The following HPSE2 variants were observed in gnomAD, a reference collection of about 807,000 sequenced individuals.
HPSE2 encodes inactive heparanase-2.
Under a neutral mutation model 60.5 loss-of-function variants are expected in HPSE2, and 38 were observed. The ratio of observed to expected loss-of-function variants is 0.63; its 90% CI spans 0.48 to 0.82. HPSE2 has a LOEUF of 0.82. HPSE2 is among the 40% of genes least tolerant of loss of function. HPSE2 has a pLI of 0.00. For synonymous variants in HPSE2, 295 were observed against 293.2 expected, an observed-to-expected ratio of 1.01 and a Z score of -0.06; for missense variants, 713 against 740.4, an observed-to-expected ratio of 0.96 and a Z score of 0.43.
chr10:98,746,458 A>G lies in HPSE2; in HGVS notation c.611-2402T>C, dbSNP rs141616732. On this transcript the variant is annotated intron_variant, in intron 3 of 11. Transcript: ENST00000370552. Reference sequence around the variant, plus strand: ...TACATTTTATATTCAAAATAATATTAAAGTAAATTCATAACCTTTATTTAA... The same window carrying G: ...TACATTTTATATTCAAAATAATATTGAAGTAAATTCATAACCTTTATTTAA... Among the ~76,000 whole-genome samples the G allele has an allele frequency of 2.6e-3, 389 of 152,156 alleles. 2 individuals carry two copies. The highest frequency in any genetic ancestry group is 0.021 in the Middle Eastern group (6 of 288).
chr10:98,495,884 GATTT>G (rs999888603), intron 9 of HPSE2, among the ~76,000 whole-genome samples: 2 of 151,958 alleles, frequency 1.3e-5, no homozygotes, highest in African/African-American at 4.8e-5. Context: ...GGTTTCTATG[GATTT>G]ATTTATTTTT....
At chr10:98,839,755 C>T (rs1253397579) in intron 3 of HPSE2, among the ~76,000 whole-genome samples, 1 of 152,116 alleles carries the variant, frequency 6.6e-6, no homozygotes, top group Non-Finnish European at 1.5e-5. Flanking sequence ...GCTCTCCTGA[C>T]AATGCACATA....
At chr10:98,773,233 T>C (rs1010271968) in intron 3 of HPSE2, among the ~76,000 whole-genome samples, 9 of 152,204 alleles carry the variant, frequency 5.9e-5, no homozygotes, top group Non-Finnish European at 1.2e-4. Context: ...TATTCTCCTA[T>C]AATTTTTTAA....
intron 6 of HPSE2, among the ~76,000 whole-genome samples, chr10:98,647,012 T>C (rs1946788188): frequency 6.6e-6 from 1 of 152,224 alleles, no homozygotes; most frequent in South Asian, 2.1e-4. Context: ...AACTAGCATT[T>C]AAACTTAAAA....
At chr10:98,519,228 T>C (rs1942706120) in intron 9 of HPSE2, among the ~76,000 whole-genome samples, 1 of 152,210 alleles carries the variant, frequency 6.6e-6, no homozygotes, top group African/African-American at 2.4e-5. Flanking sequence ...GCTGAGCACC[T>C]GTGATATATT....
intron 5 of HPSE2, among the ~76,000 whole-genome samples, chr10:98,715,480 T>A (rs1948768911): frequency 6.6e-6 from 1 of 151,974 alleles, no homozygotes; most frequent in African/African-American, 2.4e-5. Context: ...TCTTGGTTTT[T>A]TTCTTTCATG....
chr10:99,114,893 C>A (rs1844614589), intron 3 of HPSE2, among the ~76,000 whole-genome samples: 1 of 139,726 alleles, frequency 7.2e-6, no homozygotes, highest in East Asian at 2.1e-4. Flanking sequence ...CAGCCTGAGA[C>A]TCCGTCTCAA....
At chr10:99,016,231 A>G (rs1957138504) in intron 3 of HPSE2, among the ~76,000 whole-genome samples, 1 of 152,216 alleles carries the variant, frequency 6.6e-6, no homozygotes, top group African/African-American at 2.4e-5. Context: ...GAAAGGTTCC[A>G]GTTTTAATCT....
intron 5 of HPSE2, among the ~76,000 whole-genome samples, chr10:98,715,558 G>T (rs547652376): frequency 6.6e-6 from 1 of 151,798 alleles, no homozygotes; most frequent in East Asian, 1.9e-4. Flanking sequence ...GGTATTGCAG[G>T]TTCAGTTCCA....
intron 2 of HPSE2, among the ~76,000 whole-genome samples, chr10:99,226,112 G>A (rs554952267): frequency 3.5e-4 from 53 of 151,958 alleles, no homozygotes; most frequent in African/African-American, 1.2e-3. Context: ...TACTTTCTAT[G>A]TAGCCAGGGT....
rs543704557 is a variant in HPSE2 at position 99,025,021 on chromosome 10, ATAT to A, written c.610+119214_610+119216del. 3.9e-5 allele frequency among the ~76,000 whole-genome samples: 6 copies of A among 152,304 alleles called. No homozygotes were observed. In the South Asian group the frequency reaches 1.2e-3, roughly 32 times the overall value. Reference sequence around the variant, plus strand: ...TAGTAAGTACACAGAAAAACACAGAATATTATAACATGGTAACTGTAGTGTGTA... The same window carrying A: ...TAGTAAGTACACAGAAAAACACAGAATATAACATGGTAACTGTAGTGTGTA... On this transcript the variant is annotated intron_variant, in intron 3 of 11. Coordinates refer to ENST00000370552, the MANE Select transcript of HPSE2 (RefSeq NM_021828.5).
chr10:98,725,225 C>A (rs1312080385), intron 4 of HPSE2, among the ~76,000 whole-genome samples: 1 of 152,170 alleles, frequency 6.6e-6, no homozygotes. Flanking sequence ...ATCATGCTAC[C>A]TGACTTCAAA....
At chr10:99,063,017 T>C (rs1340472676) in intron 3 of HPSE2, among the ~76,000 whole-genome samples, 1 of 152,166 alleles carries the variant, frequency 6.6e-6, no homozygotes, top group Non-Finnish European at 1.5e-5. Flanking sequence ...ATGGTGTGCA[T>C]TTCTAGTGTG....
chr10:98,544,501 G>A, intron 9 of HPSE2, among the ~76,000 whole-genome samples: 1 of 151,988 alleles, frequency 6.6e-6, no homozygotes, highest in South Asian at 2.1e-4. Flanking sequence ...ACGAGGTCAG[G>A]AGATCGAGAC....
chr10:98,548,116 A>G (rs1237532432), intron 9 of HPSE2, among the ~76,000 whole-genome samples: 8 of 152,236 alleles, frequency 5.3e-5, no homozygotes, highest in Non-Finnish European at 1.2e-4. Flanking sequence ...AAATAACTAT[A>G]ACATAATGAT....
Position 98,468,108 on chromosome 10 carries a change from C to A in HPSE2, c.1614-8369G>T, listed in dbSNP as rs967656516. On this transcript the variant is annotated intron_variant, in intron 11 of 11. Coordinates refer to ENST00000370552, the MANE Select transcript of HPSE2 (RefSeq NM_021828.5). ...TGGTATGTGCAGCTGCCCTGCCCTTCTCCAGGTCAGGGGCAGGTTAGAGTC... is the reference window on the plus strand; with the variant it reads ...TGGTATGTGCAGCTGCCCTGCCCTTATCCAGGTCAGGGGCAGGTTAGAGTC... Among the ~76,000 whole-genome samples the A allele has an allele frequency of 2.0e-5, 3 of 152,374 alleles. No individual in the cohort carries two copies. In the East Asian group the frequency reaches 5.8e-4, roughly 29 times the overall value.
intron 11 of HPSE2, among the ~76,000 whole-genome samples, chr10:98,459,946 TA>T (rs1940213999): frequency 6.6e-6 from 1 of 152,068 alleles, no homozygotes; most frequent in South Asian, 2.1e-4. Flanking sequence ...TCCCCTGAGG[TA>T]AGTAACTATT....
At chr10:98,546,703 A>G (rs11189667) in intron 9 of HPSE2, among the ~76,000 whole-genome samples, 114,721 of 138,416 alleles carry the variant, frequency 0.83, 48,398 homozygotes, top group East Asian at 0.97. Flanking sequence ...TAAAAACCCT[A>G]GAAGAAAACC....
At chr10:98,692,772 C>A (rs7920867) in intron 6 of HPSE2, among the ~76,000 whole-genome samples, 5 of 87,978 alleles carry the variant, frequency 5.7e-5, no homozygotes, top group Admixed American at 1.2e-4. Context: ...CTGTCTCAAA[C>A]AAACAAACAA....
Sources: allele counts gnomAD v4.1 joint callset (sites outside exome capture counted in the v4.1 genomes callset), GRCh38; gene constraint gnomAD v4.1.1; transcripts MANE v1.5; gene names NCBI Gene and HGNC (gene_info 2026-07-23, HGNC 2026-07-21).